The following PDK1 variants were observed in gnomAD, a reference collection of about 807,000 sequenced individuals.
PDK1 encodes the protein [Pyruvate dehydrogenase (acetyl-transferring)] kinase isozyme 1, mitochondrial.
In PDK1, 39 loss-of-function variants were observed where a neutral mutation model predicts 54.2. The ratio of observed to expected loss-of-function variants is 0.72; its 90% CI spans 0.56 to 0.94. The LOEUF (loss-of-function observed/expected upper bound fraction) is 0.94. Ranked by LOEUF, PDK1 falls within the 40% of genes least tolerant of loss-of-function variation. The pLI, the probability that PDK1 is intolerant of heterozygous loss-of-function variation, is 0.00. For synonymous variants in PDK1, 221 were observed against 207.1 expected, an observed-to-expected ratio of 1.07 and a Z score of -0.58; for missense variants, 552 against 566.0, an observed-to-expected ratio of 0.98 and a Z score of 0.25.
downstream of PDK1, among the ~76,000 whole-genome samples, chr2:172,610,603 C>G: frequency 6.6e-6 from 1 of 152,076 alleles, no homozygotes; most frequent in East Asian, 1.9e-4. Flanking sequence ...CAAATTATCT[C>G]TATTTAATTT....
At chr2:172,637,305 G>A in the PDK1 span, among the ~76,000 whole-genome samples, 1 of 152,202 alleles carries the variant, frequency 6.6e-6, no homozygotes, top group Non-Finnish European at 1.5e-5. Flanking sequence ...TCACTGCTCA[G>A]TTAGAACATT....
chr2:172,628,741 A>G, the PDK1 span, among the ~76,000 whole-genome samples: 1 of 152,104 alleles, frequency 6.6e-6, no homozygotes, highest in African/African-American at 2.4e-5. Context: ...TCTGACTGTA[A>G]CAGAGTATTC....
downstream of PDK1, among the ~76,000 whole-genome samples, chr2:172,610,518 T>C (rs1467267349): frequency 1.3e-5 from 2 of 152,252 alleles, no homozygotes; most frequent in Non-Finnish European, 2.9e-5. Flanking sequence ...CCTGTAGTTA[T>C]TAATCTTTGG....
the PDK1 span, among the ~76,000 whole-genome samples, chr2:172,638,481 T>C: frequency 6.6e-6 from 1 of 152,242 alleles, no homozygotes; most frequent in Non-Finnish European, 1.5e-5. Flanking sequence ...TATTATTTCT[T>C]TGGTGGAATC....
chr2:172,681,908 C>T, the PDK1 span, among the ~76,000 whole-genome samples: 19 of 152,164 alleles, frequency 1.2e-4, no homozygotes, highest in Non-Finnish European at 2.6e-4. Flanking sequence ...CAGGCACCCG[C>T]CACCACACCC....
At chr2:172,612,907 A>C (rs1013754233), downstream of PDK1, among the ~76,000 whole-genome samples, 1 of 152,054 alleles carries the variant, frequency 6.6e-6, no homozygotes, top group Non-Finnish European at 1.5e-5. Context: ...TGATCCGCCC[A>C]CCTCGGCCTC....
At chr2:172,679,630 A>G in the PDK1 span, among the ~76,000 whole-genome samples, 1 of 152,200 alleles carries the variant, frequency 6.6e-6, no homozygotes, top group Non-Finnish European at 1.5e-5. Flanking sequence ...TCATAGGGTG[A>G]ACAACTTGTT....
rs1223239647 is a variant in PDK1 at position 172,568,766 on chromosome 2, A to G, written c.795A>G (p.Gln265=). ...CAAAATCACCAGGACAGCCAATACA[A>G]GTGGTTTATGTACCATCCCATCTCT... ...LNAKSPGQPI[Q]VVYVPSHLYH... Residue 265 remains glutamine (Q), a synonymous_variant, in exon 7 of 11, where the codon CAA becomes CAG. Transcript: ENST00000282077. The G allele has an allele frequency of 1.2e-6, 2 of 1,609,770 alleles. No individual in the cohort carries two copies. The highest frequency in any genetic ancestry group is 1.3e-5 in the African/African-American group (1 of 74,858).
At chr2:172,581,392 G>A (rs1689900922) in intron 8 of PDK1, among the ~76,000 whole-genome samples, 1 of 152,138 alleles carries the variant, frequency 6.6e-6, no homozygotes, top group African/African-American at 2.4e-5. Context: ...CGTCCAGCCT[G>A]CTATGTAAAT....
At chr2:172,627,036 G>C in the PDK1 span, among the ~76,000 whole-genome samples, 1 of 152,148 alleles carries the variant, frequency 6.6e-6, no homozygotes, top group Non-Finnish European at 1.5e-5. Flanking sequence ...AGAGGGGAGA[G>C]AATGAGAATC....
chr2:172,628,571 A>T, the PDK1 span, among the ~76,000 whole-genome samples: 10 of 152,306 alleles, frequency 6.6e-5, no homozygotes, highest in East Asian at 1.9e-3. Context: ...TTATATAAAC[A>T]TCTTTGAATA....
At chr2:172,654,599 G>C in the PDK1 span, among the ~76,000 whole-genome samples, 1 of 151,138 alleles carries the variant, frequency 6.6e-6, no homozygotes, top group African/African-American at 2.4e-5. Context: ...ATCACACACC[G>C]GGGCCTGTCG....
Position 172,601,027 on chromosome 2 carries a change from T to C in PDK1, c.*5058T>C, listed in dbSNP as rs1691098128. On this transcript the variant is annotated 3_prime_UTR_variant, in exon 11 of 11. Coordinates refer to ENST00000282077, the MANE Select transcript of PDK1 (RefSeq NM_002610.5). ...CTGCATGAGGTCAAAAAGAGCTATA[T>C]TTGAGCTGCTGTTTGTTAAAAGAAA... 1 of 152,218 alleles carries C rather than the reference T, an allele frequency of 6.6e-6. No individual in the cohort carries two copies. 9.4% of individuals were successfully genotyped at this position (152,218 alleles called of 1,614,324 possible).
the PDK1 span, among the ~76,000 whole-genome samples, chr2:172,671,980 G>A: frequency 7.2e-5 from 11 of 152,166 alleles, no homozygotes; most frequent in Non-Finnish European, 1.3e-4. Flanking sequence ...GAGAAAGTCA[G>A]CTGCCGTTTT....
the PDK1 span, among the ~76,000 whole-genome samples, chr2:172,683,691 T>C: frequency 1.3e-5 from 2 of 152,236 alleles, no homozygotes; most frequent in African/African-American, 4.8e-5. Flanking sequence ...AGATTGGGAC[T>C]ACTGTGGGGA....
chr2:172,665,898 G>A, the PDK1 span, among the ~76,000 whole-genome samples: 35 of 152,180 alleles, frequency 2.3e-4, no homozygotes, highest in Admixed American at 2.0e-3. Context: ...TTTCTTCCTG[G>A]ATCACTCAGA....
the PDK1 span, among the ~76,000 whole-genome samples, chr2:172,659,774 A>G: frequency 3.4e-4 from 52 of 152,248 alleles, no homozygotes; most frequent in Non-Finnish European, 6.6e-4. Flanking sequence ...TCCTGGCTCC[A>G]AACGTCTCCT....
At chr2:172,571,990 C>A (rs548666012) in intron 8 of PDK1, among the ~76,000 whole-genome samples, 6 of 151,832 alleles carry the variant, frequency 4.0e-5, no homozygotes, top group Non-Finnish European at 7.4e-5. Flanking sequence ...CGCCACCACG[C>A]CTAGCTAATT....
chr2:172,623,506 T>G, the PDK1 span, among the ~76,000 whole-genome samples: 1 of 152,230 alleles, frequency 6.6e-6, no homozygotes, highest in Non-Finnish European at 1.5e-5. Flanking sequence ...AGAGTCAATT[T>G]TATCGCTCAT....
Sources: allele counts gnomAD v4.1 joint callset (sites outside exome capture counted in the v4.1 genomes callset), GRCh38; gene constraint gnomAD v4.1.1; transcripts MANE v1.5; gene names NCBI Gene and HGNC (gene_info 2026-07-23, HGNC 2026-07-21).